The following CPNE4 variants were observed in gnomAD, a reference collection of about 807,000 sequenced individuals.
CPNE4 encodes copine-4.
In CPNE4, 25 loss-of-function variants were observed where a neutral mutation model predicts 67.9. The ratio of observed to expected loss-of-function variants is 0.37; its 90% CI spans 0.27 to 0.51. The LOEUF is 0.51. Ranked by LOEUF, CPNE4 falls within the 20% of genes least tolerant of loss-of-function variation. CPNE4 has a pLI of 0.93. For synonymous variants in CPNE4, 242 were observed against 244.9 expected, an observed-to-expected ratio of 0.99 and a Z score of 0.11; for missense variants, 464 against 690.8, an observed-to-expected ratio of 0.67 and a Z score of 3.68.
chr3:131,561,523 G>T (rs1936764785), intron 11 of CPNE4, among the ~76,000 whole-genome samples: 1 of 151,968 alleles, frequency 6.6e-6, no homozygotes, highest in African/African-American at 2.4e-5. Context: ...TTCCTTCAAG[G>T]CCATCCTGAA....
chr3:131,784,636 A>G (rs1296759083), intron 2 of CPNE4, among the ~76,000 whole-genome samples: 1 of 152,132 alleles, frequency 6.6e-6, no homozygotes, highest in East Asian at 1.9e-4. Flanking sequence ...AGCTCCTCAA[A>G]AAGTCTCCAG....
chr3:131,535,711 G>T (rs954498631), intron 15 of CPNE4, among the ~76,000 whole-genome samples: 1 of 152,158 alleles, frequency 6.6e-6, no homozygotes, highest in Admixed American at 6.5e-5. Flanking sequence ...AATCACGAGG[G>T]GAACTAGGCA....
At chr3:131,556,480 C>T (rs770560079) in intron 11 of CPNE4, among the ~76,000 whole-genome samples, 8 of 152,012 alleles carry the variant, frequency 5.3e-5, no homozygotes, top group African/African-American at 9.7e-5. Flanking sequence ...CACATACAAG[C>T]GGTGATAAGT....
intron 2 of CPNE4, among the ~76,000 whole-genome samples, chr3:131,837,721 T>C (rs2085613697): frequency 6.6e-6 from 1 of 151,940 alleles, no homozygotes. Context: ...AGAAAGTACA[T>C]GGAAAAACTG....
Position 132,034,688 on chromosome 3 carries a change from T to C in CPNE4, c.-123A>G, listed in dbSNP as rs1044552995. 4.1e-6 allele frequency: 4 copies of C among 985,288 alleles called. No individual in the cohort carries two copies. The highest frequency in any genetic ancestry group is 1.1e-4 in the East Asian group (1 of 8,778). The allele number at this position is 985,288 out of a possible 1,614,324, so 61.0% of individuals were successfully genotyped here. A position where few individuals can be genotyped will look rare whatever the true frequency, so the allele number is the denominator to read the frequency against. On this transcript the variant is annotated 5_prime_UTR_variant, in exon 1 of 16. Coordinates refer to ENST00000429747, the MANE Select transcript of CPNE4 (RefSeq NM_130808.3). Reference sequence around the variant, plus strand: ...GGTTGGTGTGGTAGTTTTGTACTGATGTAAGGGGCGTCGCACCTCCTTCCC... The same window carrying C: ...GGTTGGTGTGGTAGTTTTGTACTGACGTAAGGGGCGTCGCACCTCCTTCCC...
At chr3:131,973,289 C>T (rs185651786) in intron 1 of CPNE4, among the ~76,000 whole-genome samples, 6 of 152,252 alleles carry the variant, frequency 3.9e-5, no homozygotes, top group Admixed American at 3.3e-4. Flanking sequence ...TTTCAAAGTT[C>T]TACCAAGCCT....
intron 2 of CPNE4, among the ~76,000 whole-genome samples, chr3:131,829,360 C>T (rs2085285413): frequency 6.6e-6 from 1 of 152,124 alleles, no homozygotes; most frequent in African/African-American, 2.4e-5. Flanking sequence ...TCTTTGTTTT[C>T]TATGTACACA....
At chr3:131,866,183 C>T (rs1191110844) in intron 2 of CPNE4, among the ~76,000 whole-genome samples, 1 of 152,172 alleles carries the variant, frequency 6.6e-6, no homozygotes, top group Non-Finnish European at 1.5e-5. Flanking sequence ...AAAGGCTGAA[C>T]TTATTTAGTT....
intron 2 of CPNE4, among the ~76,000 whole-genome samples, chr3:131,731,145 T>G (rs2082118090): frequency 6.6e-6 from 1 of 152,196 alleles, no homozygotes; most frequent in Non-Finnish European, 1.5e-5. Context: ...GCAGTTAACC[T>G]GGTTCTCAAG....
intron 2 of CPNE4, among the ~76,000 whole-genome samples, chr3:131,785,669 CTT>C (rs1465828047): frequency 1.5e-4 from 15 of 99,614 alleles, no homozygotes; most frequent in African/African-American, 4.9e-4. Flanking sequence ...CTCTTTCTCT[CTT>C]TCTCTCTCTC....
At chr3:131,986,852 A>AC (rs1300621341) in intron 1 of CPNE4, among the ~76,000 whole-genome samples, 2 of 112,708 alleles carry the variant, frequency 1.8e-5, no homozygotes, top group African/African-American at 3.7e-5. Flanking sequence ...ACAAAAAAAA[A>AC]CAAAAACAAA....
chr3:131,683,839 G>A (rs2080818143), intron 6 of CPNE4, among the ~76,000 whole-genome samples: 1 of 152,204 alleles, frequency 6.6e-6, no homozygotes, highest in Admixed American at 6.5e-5. Context: ...TTCTACTACT[G>A]ATGTGAGTGA....
In CPNE4 at chr3:131,564,361, A is replaced by G; in HGVS notation, c.928-12T>C. 3.1e-6 allele frequency: 5 copies of G among 1,605,922 alleles called. No individual in the cohort carries two copies. Among genetic ancestry groups the G allele is most frequent in the Non-Finnish European group, 4.2e-6 (5 of 1,176,656 alleles). On this transcript the variant is annotated splice_polypyrimidine_tract_variant and intron_variant, in intron 10 of 15. Coordinates refer to ENST00000429747, the MANE Select transcript of CPNE4 (RefSeq NM_130808.3). ...AAATCTATAGCTACCTAAAAGAGAAAAATACAAGAAAAGGTAAATTTAAAG... is the reference window on the plus strand; with the variant it reads ...AAATCTATAGCTACCTAAAAGAGAAGAATACAAGAAAAGGTAAATTTAAAG...
chr3:132,030,120 C>T (rs1409753175), intron 1 of CPNE4, among the ~76,000 whole-genome samples: 1 of 152,148 alleles, frequency 6.6e-6, no homozygotes, highest in Non-Finnish European at 1.5e-5. Context: ...GGAGACACCC[C>T]CGCAATCATC....
chr3:131,655,136 C>G (rs764206249), intron 7 of CPNE4, among the ~76,000 whole-genome samples: 2 of 152,198 alleles, frequency 1.3e-5, no homozygotes, highest in Non-Finnish European at 2.9e-5. Flanking sequence ...GAAACTGTCT[C>G]TTGACTATTT....
intron 7 of CPNE4, among the ~76,000 whole-genome samples, chr3:131,607,935 T>C (rs1480634153): frequency 1.3e-5 from 2 of 152,180 alleles, no homozygotes; most frequent in Non-Finnish European, 2.9e-5. Flanking sequence ...GGGTTGCCGC[T>C]TGCATTAAGC....
At chr3:131,591,269 C>T (rs1938510519) in intron 7 of CPNE4, among the ~76,000 whole-genome samples, 1 of 152,150 alleles carries the variant, frequency 6.6e-6, no homozygotes, top group African/African-American at 2.4e-5. Flanking sequence ...ACATCAGATA[C>T]TTAGTCTTTT....
intron 2 of CPNE4, among the ~76,000 whole-genome samples, chr3:131,751,334 C>G (rs549192478): frequency 1.3e-5 from 2 of 151,932 alleles, no homozygotes; most frequent in African/African-American, 2.4e-5. Context: ...TCATTGTTTT[C>G]AATCTATTTT....
At chr3:131,611,858 A>C (rs537944710) in intron 7 of CPNE4, among the ~76,000 whole-genome samples, 2 of 152,208 alleles carry the variant, frequency 1.3e-5, no homozygotes, top group East Asian at 3.9e-4. Flanking sequence ...TATAAACTTC[A>C]CCATGAGCAA....
Sources: allele counts gnomAD v4.1 joint callset (sites outside exome capture counted in the v4.1 genomes callset), GRCh38; gene constraint gnomAD v4.1.1; transcripts MANE v1.5; gene names NCBI Gene and HGNC (gene_info 2026-07-23, HGNC 2026-07-21).